The following TAFA5 variants were observed in gnomAD, a reference collection of about 807,000 sequenced individuals.
The protein encoded by TAFA5 is TAFA chemokine like family member 5, also known as chemokine-like protein TAFA-5.
TAFA5 carries 6 observed loss-of-function variants against 15.3 expected under a neutral mutation model. The observed-to-expected ratio is 0.39, with a 90% CI of 0.21 to 0.77. TAFA5 has a LOEUF of 0.77. TAFA5 is among the 30% of genes least tolerant of loss of function. The probability of loss-of-function intolerance (pLI) is 0.41; values close to 1 mark genes in which losing one functional copy is unlikely to be tolerated. For synonymous variants in TAFA5, 103 were observed against 80.7 expected, an observed-to-expected ratio of 1.28 and a Z score of -1.48; for missense variants, 161 against 193.1, an observed-to-expected ratio of 0.83 and a Z score of 0.98.
At position 48,550,172 on chromosome 22, in the gene TAFA5, G is replaced by A. The variant is rs1403865627; in HGVS notation, c.112+60468G>A. On this transcript the variant is annotated intron_variant, in intron 1 of 3. Coordinates refer to ENST00000402357, the MANE Select transcript of TAFA5 (RefSeq NM_001082967.3). The surrounding 1 kb of genome is among the most constrained non-coding windows in gnomAD (Gnocchi z 4.1). The stretch of plus-strand genomic sequence containing the variant: ...GTGTGTGTCCACCCGAGGTGGCCCT[G>A]CCCTGTTTCCACACACAGCCTACCT... Among the ~76,000 whole-genome samples, 6 of 152,220 alleles carry A rather than the reference G, an allele frequency of 3.9e-5. No individual in the cohort carries two copies. Among genetic ancestry groups the A allele is most frequent in the African/African-American group, 9.6e-5 (4 of 41,466 alleles).
chr22:48,501,044 C>T (rs1920948701), intron 1 of TAFA5, among the ~76,000 whole-genome samples: 2 of 152,198 alleles, frequency 1.3e-5, no homozygotes, highest in Admixed American at 6.5e-5. Flanking sequence ...CCAGGCCTTC[C>T]CAGGGCTTCT....
intron 1 of TAFA5, among the ~76,000 whole-genome samples, chr22:48,606,382 A>G (rs933568892): frequency 3.3e-5 from 5 of 152,306 alleles, no homozygotes; most frequent in African/African-American, 4.8e-5. Flanking sequence ...AAAATTCGTG[A>G]TGTTTTGAGA....
intron 3 of TAFA5, among the ~76,000 whole-genome samples, chr22:48,741,080 T>G (rs1930166608): frequency 6.6e-6 from 1 of 152,186 alleles, no homozygotes; most frequent in African/African-American, 2.4e-5. Context: ...GCTGTTGTGT[T>G]GGACTCTGGG....
chr22:48,506,339 T>G (rs1920997280), intron 1 of TAFA5, among the ~76,000 whole-genome samples: 1 of 152,226 alleles, frequency 6.6e-6, no homozygotes, highest in Non-Finnish European at 1.5e-5. Context: ...CCTGCAGCCT[T>G]GTGCTCCATG....
intron 1 of TAFA5, among the ~76,000 whole-genome samples, chr22:48,589,781 G>A (rs1924494045): frequency 6.6e-6 from 1 of 152,122 alleles, no homozygotes; most frequent in Non-Finnish European, 1.5e-5. Flanking sequence ...ATCAGGAGCT[G>A]GAAGAGGCAG....
chr22:48,743,701 G>A (rs375585428), intron 3 of TAFA5, among the ~76,000 whole-genome samples: 6 of 152,336 alleles, frequency 3.9e-5, no homozygotes, highest in African/African-American at 1.2e-4. Context: ...AGGCGCTGAC[G>A]TCTCTGATGT....
chr22:48,514,972 G>A (rs376075813), intron 1 of TAFA5, among the ~76,000 whole-genome samples: 3 of 152,372 alleles, frequency 2.0e-5, no homozygotes, highest in African/African-American at 4.8e-5. Context: ...GACATGGCAC[G>A]GGCCTCCCAG....
At chr22:48,593,333 C>A (rs1016193441) in intron 1 of TAFA5, among the ~76,000 whole-genome samples, 2 of 152,102 alleles carry the variant, frequency 1.3e-5, no homozygotes, top group African/African-American at 4.8e-5. Flanking sequence ...AATAGAGGCA[C>A]GGGGCAGGGG....
intron 2 of TAFA5, among the ~76,000 whole-genome samples, chr22:48,680,489 A>ATGG (rs77773159): frequency 0.65 from 98,163 of 150,802 alleles, 32,844 homozygotes; most frequent in Non-Finnish European, 0.74. Context: ...CTAAGAGGTG[A>ATGG]CGGCAGCACA....
At position 48,554,138 on chromosome 22, in the gene TAFA5, G is replaced by C. The variant is rs187101945; in HGVS notation, c.112+64434G>C. On this transcript the variant is annotated intron_variant, in intron 1 of 3. Transcript: ENST00000402357. Reference sequence around the variant, plus strand: ...ATGAGGCTGTGGAGAGCCTTTGAAGGATCGGGAGGAAGAGGCTGGAGACTT... The same window carrying C: ...ATGAGGCTGTGGAGAGCCTTTGAAGCATCGGGAGGAAGAGGCTGGAGACTT... 5.3e-4 allele frequency among the ~76,000 whole-genome samples: 80 copies of C among 152,342 alleles called. 1 individual carries two copies. Among genetic ancestry groups the C allele is most frequent in the Admixed American group, 5.1e-3 (78 of 15,300 alleles).
rs147267227 is a variant in TAFA5, at chr22:48,680,629, C to T, written c.263-27088C>T. 8.0e-3 allele frequency among the ~76,000 whole-genome samples: 1,214 copies of T among 152,300 alleles called. 6 individuals are homozygous for T. Among genetic ancestry groups the T allele is most frequent in the Middle Eastern group, 0.024 (7 of 294 alleles). ...GCAGCCTCCCAAAATTTGCCCACCACGACTGGGCACTGACAGCCAGTGTGC... is the reference window on the plus strand; with the variant it reads ...GCAGCCTCCCAAAATTTGCCCACCATGACTGGGCACTGACAGCCAGTGTGC... On this transcript the variant is annotated intron_variant, in intron 2 of 3. Transcript: ENST00000402357.
At chr22:48,537,385 T>C (rs1224567896) in intron 1 of TAFA5, among the ~76,000 whole-genome samples, 1 of 152,180 alleles carries the variant, frequency 6.6e-6, no homozygotes, top group Non-Finnish European at 1.5e-5. Context: ...CACTCCTCCA[T>C]CCACTCTAGA....
intron 1 of TAFA5, among the ~76,000 whole-genome samples, chr22:48,564,677 G>A (rs1387838914): frequency 6.6e-6 from 1 of 152,252 alleles, no homozygotes; most frequent in Non-Finnish European, 1.5e-5. Flanking sequence ...CCCAGGGACT[G>A]CAGCCTCCTT....
chr22:48,562,915 ACCCCGGGATGCCCGT>A (rs1051745388), intron 1 of TAFA5, among the ~76,000 whole-genome samples: 154 of 152,070 alleles, frequency 1.0e-3, no homozygotes, highest in African/African-American at 3.6e-3. Flanking sequence ...CAGCCCCGGG[ACCCCGGGATGCCCGT>A]CTGTGCGGAG....
chr22:48,659,109 C>T (rs973733189), intron 2 of TAFA5, among the ~76,000 whole-genome samples: 22 of 152,226 alleles, frequency 1.4e-4, no homozygotes, highest in African/African-American at 4.8e-4. Flanking sequence ...GACCCCGCGG[C>T]GGAGGATCCA....
chr22:48,534,372 A>G (rs4993759), intron 1 of TAFA5, among the ~76,000 whole-genome samples: 96,989 of 151,926 alleles, frequency 0.64, 31,292 homozygotes, highest in African/African-American at 0.72. Flanking sequence ...GGCAGGTGAG[A>G]TGGGGCCGGG....
At chr22:48,558,834 C>T (rs2147130880) in intron 1 of TAFA5, among the ~76,000 whole-genome samples, 1 of 152,164 alleles carries the variant, frequency 6.6e-6, no homozygotes, top group East Asian at 1.9e-4. Context: ...TGCCAGGTGC[C>T]TGGGCGAACG....
At chr22:48,551,650 G>A (rs1922859625) in intron 1 of TAFA5, among the ~76,000 whole-genome samples, 1 of 152,166 alleles carries the variant, frequency 6.6e-6, no homozygotes, top group Non-Finnish European at 1.5e-5. Context: ...TGTGCATGGG[G>A]TCCTAAGGGG....
intron 1 of TAFA5, among the ~76,000 whole-genome samples, chr22:48,623,498 G>A (rs913746117): frequency 2.0e-5 from 3 of 152,194 alleles, no homozygotes; most frequent in Non-Finnish European, 2.9e-5. Flanking sequence ...TGTTTGTGAC[G>A]GGTGTCGGTA....
Sources: gnomAD v4.1 joint callset for allele counts (sites outside exome capture counted in the v4.1 genomes callset) on GRCh38, gnomAD v4.1.1 for gene constraint, Gnocchi (gnomAD v3.1) non-coding constraint, MANE v1.5 for transcripts, NCBI Gene and HGNC (gene_info 2026-07-23, HGNC 2026-07-21) for gene names.